The following CLVS1 variants were observed in gnomAD, a reference collection of about 807,000 sequenced individuals.
CLVS1 encodes the protein clavesin 1, also known as clavesin-1.
In CLVS1, 10 loss-of-function variants were observed where a neutral mutation model predicts 33.1. The observed-to-expected ratio is 0.30, with a 90% CI of 0.19 to 0.51. The LOEUF is 0.51. Among genes scored for constraint, CLVS1 ranks in the 20% least tolerant of loss-of-function variants. CLVS1 has a pLI of 0.97. For missense variants in CLVS1, 343 were observed against 433.4 expected, an observed-to-expected ratio of 0.79 and a Z score of 1.85; for synonymous variants, 163 against 166.1, an observed-to-expected ratio of 0.98 and a Z score of 0.14.
chr8:61,243,099 G>T (rs1446562744), intron 2 of CLVS1, among the ~76,000 whole-genome samples: 1 of 152,122 alleles, frequency 6.6e-6, no homozygotes, highest in African/African-American at 2.4e-5. Flanking sequence ...CTGTCATATT[G>T]CTCAGAAGAG....
chr8:61,060,125 T>C (rs1345471111), intron 1 of CLVS1, among the ~76,000 whole-genome samples: 2 of 152,206 alleles, frequency 1.3e-5, no homozygotes, highest in Non-Finnish European at 2.9e-5. Flanking sequence ...AAAAAAGTTT[T>C]GGAGTGTCTT....
chr8:61,202,279 G>T, intron 2 of CLVS1: 1 of 597,100 alleles, frequency 1.7e-6, no homozygotes. Context: ...CATCCTGTGT[G>T]GCTGTTCTCT....
Position 61,500,067 on chromosome 8 carries a change from G to T in CLVS1, c.*525G>T, listed in dbSNP as rs776630494. 6.5e-6 allele frequency: 1 copy of T among 152,806 alleles called. No individual in the cohort carries two copies. Among genetic ancestry groups the T allele is most frequent in the African/African-American group, 2.4e-5 (1 of 41,406 alleles). 9.5% of individuals were successfully genotyped at this position (152,806 alleles called of 1,614,324 possible). Reference sequence around the variant, plus strand: ...TTCCTTTGACCTCATCACCAGCATCGAATTGTTCAGCCTAAGAGCATGTTC... The same window carrying T: ...TTCCTTTGACCTCATCACCAGCATCTAATTGTTCAGCCTAAGAGCATGTTC... On this transcript the variant is annotated 3_prime_UTR_variant, in exon 6 of 6. Coordinates refer to ENST00000325897, the MANE Select transcript of CLVS1 (RefSeq NM_173519.3).
At chr8:61,035,727 A>T in the CLVS1 span, among the ~76,000 whole-genome samples, 1 of 152,164 alleles carries the variant, frequency 6.6e-6, no homozygotes, top group Admixed American at 6.5e-5. Context: ...CCAGGCAGAC[A>T]CCTCAACAAT....
At chr8:61,207,521 G>T (rs1003413647) in intron 2 of CLVS1, among the ~76,000 whole-genome samples, 2 of 152,206 alleles carry the variant, frequency 1.3e-5, no homozygotes, top group Non-Finnish European at 2.9e-5. Context: ...TTCAGTCTCT[G>T]CTGTGTGCAT....
At chr8:61,072,513 A>G (rs1052691343) in intron 1 of CLVS1, among the ~76,000 whole-genome samples, 5 of 152,260 alleles carry the variant, frequency 3.3e-5, no homozygotes, top group African/African-American at 1.2e-4. Context: ...TATTCCAAGC[A>G]TGCATCCAAA....
Position 61,364,410 on chromosome 8 carries a change from A to C in CLVS1, c.456-12195A>C, listed in dbSNP as rs80247185. Among the ~76,000 whole-genome samples the C allele has an allele frequency of 5.1e-3, 773 of 152,322 alleles. 3 individuals are homozygous for C. The highest frequency in any genetic ancestry group is 0.018 in the African/African-American group (742 of 41,566). ...TGAAGGATGATACCCACATAGAAGA[A>C]TACCAGCCTGCAAAACAGCCAACAA... On this transcript the variant is annotated intron_variant, in intron 2 of 5. Coordinates refer to ENST00000325897, the MANE Select transcript of CLVS1 (RefSeq NM_173519.3).
At chr8:61,388,957 G>A (rs1366850217) in intron 3 of CLVS1, among the ~76,000 whole-genome samples, 1 of 151,850 alleles carries the variant, frequency 6.6e-6, no homozygotes, top group Admixed American at 6.6e-5. Flanking sequence ...AATATCCTCT[G>A]TTCTACTTTT....
At chr8:61,344,392 C>A (rs1330765730) in intron 2 of CLVS1, among the ~76,000 whole-genome samples, 1 of 152,186 alleles carries the variant, frequency 6.6e-6, no homozygotes, top group Non-Finnish European at 1.5e-5. Flanking sequence ...CACTGTCTGG[C>A]TCTAGAGCTC....
the CLVS1 span, among the ~76,000 whole-genome samples, chr8:61,038,177 G>A: frequency 6.6e-6 from 1 of 152,122 alleles, no homozygotes; most frequent in Non-Finnish European, 1.5e-5. Context: ...AAAGTTGCCT[G>A]CTATTGACAC....
chr8:61,299,573 C>A, intron 1 of CLVS1, 104 bp from the exon 2 acceptor site: 1 of 436,928 alleles, frequency 2.3e-6, no homozygotes, highest in East Asian at 3.6e-5. Context: ...CTAATCAGAC[C>A]CACAGCCTAA....
intron 2 of CLVS1, among the ~76,000 whole-genome samples, chr8:61,366,348 G>A (rs1226295960): frequency 6.6e-6 from 1 of 152,144 alleles, no homozygotes. Flanking sequence ...GTTATTCACT[G>A]TTCTTGACTG....
chr8:61,454,470 C>A (rs932433668), intron 4 of CLVS1, among the ~76,000 whole-genome samples: 7 of 152,046 alleles, frequency 4.6e-5, no homozygotes, highest in African/African-American at 1.7e-4. Flanking sequence ...TTTCGGAGTC[C>A]CAGTGACAAA....
chr8:61,300,551 G>T, intron 2 of CLVS1: 1 of 334,740 alleles, frequency 3.0e-6, no homozygotes, highest in East Asian at 5.0e-5. Flanking sequence ...ATTGAAAGTG[G>T]ATCTTCTAGA....
chr8:60,973,349 A>T, the CLVS1 span, among the ~76,000 whole-genome samples: 1 of 152,214 alleles, frequency 6.6e-6, no homozygotes, highest in Non-Finnish European at 1.5e-5. Context: ...TATTTCAGAG[A>T]TAAACATTTG....
At chr8:61,223,564 C>T (rs920629100) in intron 2 of CLVS1, among the ~76,000 whole-genome samples, 1 of 152,188 alleles carries the variant, frequency 6.6e-6, no homozygotes, top group Admixed American at 6.5e-5. Context: ...CTCTGATGGG[C>T]TTTCCTTTGT....
chr8:61,245,876 C>T (rs1016724674), intron 2 of CLVS1, among the ~76,000 whole-genome samples: 4 of 151,858 alleles, frequency 2.6e-5, no homozygotes, highest in Non-Finnish European at 5.9e-5. Flanking sequence ...TCAAGGGATC[C>T]TCCCTTTTCA....
intron 1 of CLVS1, among the ~76,000 whole-genome samples, chr8:61,131,579 A>G (rs192924078): frequency 3.5e-4 from 53 of 152,292 alleles, no homozygotes; most frequent in African/African-American, 1.2e-3. Context: ...ACAGGAAAAC[A>G]TGACCCCCAA....
intron 2 of CLVS1, among the ~76,000 whole-genome samples, chr8:61,160,182 C>G (rs1338371828): frequency 6.6e-6 from 1 of 152,110 alleles, no homozygotes; most frequent in Non-Finnish European, 1.5e-5. Flanking sequence ...TAAGATTTAG[C>G]TGAATTCTAA....
Sources: gnomAD v4.1 joint callset for allele counts (sites outside exome capture counted in the v4.1 genomes callset) on GRCh38, gnomAD v4.1.1 for gene constraint, MANE v1.5 for transcripts, NCBI Gene and HGNC (gene_info 2026-07-23, HGNC 2026-07-21) for gene names.